Variants in SORCS1 observed in about 807,000 individuals in gnomAD.
SORCS1 encodes the protein sortilin related VPS10 domain containing receptor 1.
A neutral mutation model predicts 146.1 loss-of-function variants in SORCS1; 60 were observed. The observed-to-expected ratio is 0.41, with a 90% CI of 0.33 to 0.51. SORCS1 has a LOEUF of 0.51. Among genes scored for constraint, SORCS1 ranks in the 20% least tolerant of loss-of-function variants. The pLI is 0.21. For missense variants in SORCS1, 1,352 were observed against 1,487.6 expected (o/e 0.91, Z 1.50); for synonymous variants, 637 against 584.0 (o/e 1.09, Z -1.31).
At chr10:106,740,491 G>T (rs1471581616) in intron 5 of SORCS1, among the ~76,000 whole-genome samples, 2 of 152,118 alleles carry the variant, frequency 1.3e-5, no homozygotes, top group Non-Finnish European at 2.9e-5. Flanking sequence ...AAAAATCCCT[G>T]TACCTTGTGA....
At chr10:106,753,576 T>G (rs1489085596) in intron 5 of SORCS1, among the ~76,000 whole-genome samples, 3 of 151,992 alleles carry the variant, frequency 2.0e-5, no homozygotes, top group Admixed American at 6.6e-5. Context: ...TTTCTGATCA[T>G]GGACAGGTAT....
chr10:106,674,955 T>C (rs1212186245), intron 14 of SORCS1, 94 bp downstream of exon 14: 1 of 973,302 alleles, frequency 1.0e-6, no homozygotes, highest in Non-Finnish European at 1.6e-6. Flanking sequence ...ACCTTGAACC[T>C]AACAGCTGCA....
chr10:106,985,812 G>A (rs1956445127), intron 1 of SORCS1, among the ~76,000 whole-genome samples: 1 of 150,952 alleles, frequency 6.6e-6, no homozygotes, highest in South Asian at 2.1e-4. Context: ...TGGGATTACA[G>A]GTATCAGCCA....
chr10:107,111,449 C>T (rs1965694178), intron 1 of SORCS1, among the ~76,000 whole-genome samples: 1 of 152,124 alleles, frequency 6.6e-6, no homozygotes, highest in African/African-American at 2.4e-5. Flanking sequence ...ACAACTTTAA[C>T]AGCAGACTCC....
intron 3 of SORCS1, among the ~76,000 whole-genome samples, chr10:106,805,167 T>C (rs1454394911): frequency 6.6e-6 from 1 of 152,216 alleles, no homozygotes; most frequent in East Asian, 1.9e-4. Flanking sequence ...CACTTGCTAA[T>C]GGACATCATA....
At chr10:106,927,532 T>G (rs10884384) in intron 2 of SORCS1, among the ~76,000 whole-genome samples, 1 of 151,944 alleles carries the variant, frequency 6.6e-6, no homozygotes, top group Non-Finnish European at 1.5e-5. Flanking sequence ...GAAGGGGACA[T>G]GAGCGGGTTG....
At chr10:106,920,779 CT>C (rs1313559258) in intron 2 of SORCS1, among the ~76,000 whole-genome samples, 1 of 152,148 alleles carries the variant, frequency 6.6e-6, no homozygotes, top group Non-Finnish European at 1.5e-5. Flanking sequence ...TTTAGAATCT[CT>C]TGCTGGATCT....
intron 15 of SORCS1, 132 bp from the exon 16 acceptor site, chr10:106,671,499 C>A (rs1168173902): frequency 1.5e-6 from 2 of 1,298,834 alleles, no homozygotes; most frequent in Non-Finnish European, 2.1e-6. Context: ...TTTGTGCTAA[C>A]AACATTTTCC....
chr10:107,102,069 C>T (rs193060909), intron 1 of SORCS1, among the ~76,000 whole-genome samples: 250 of 152,176 alleles, frequency 1.6e-3, no homozygotes, highest in African/African-American at 5.5e-3. Context: ...CCTTATGAAA[C>T]GATTTCTATC....
At chr10:107,122,715 A>G (rs1238354788) in intron 1 of SORCS1, among the ~76,000 whole-genome samples, 1 of 152,214 alleles carries the variant, frequency 6.6e-6, no homozygotes, top group Non-Finnish European at 1.5e-5. Flanking sequence ...GAAAGAAAAA[A>G]AAAAGTAGTC....
At chr10:106,843,999 T>G (rs751998031) in intron 2 of SORCS1, among the ~76,000 whole-genome samples, 1 of 152,212 alleles carries the variant, frequency 6.6e-6, no homozygotes, top group Non-Finnish European at 1.5e-5. Context: ...GGCTGCATAT[T>G]TACACTCCCA....
At chr10:107,178,486 TTA>T in the SORCS1 span, among the ~76,000 whole-genome samples, 7 of 141,834 alleles carry the variant, frequency 4.9e-5, no homozygotes, top group South Asian at 2.2e-4. Context: ...TAAAATTATT[TTA>T]TATATATATA....
At chr10:106,600,083 C>G (rs1455623359) in intron 23 of SORCS1, among the ~76,000 whole-genome samples, 1 of 152,144 alleles carries the variant, frequency 6.6e-6, no homozygotes, top group African/African-American at 2.4e-5. Flanking sequence ...AGCCACTGTG[C>G]CTGGCCGCAA....
intron 5 of SORCS1, among the ~76,000 whole-genome samples, chr10:106,738,437 A>G (rs1335480035): frequency 6.6e-6 from 1 of 152,232 alleles, no homozygotes; most frequent in Admixed American, 6.5e-5. Context: ...TAAGTCAGAC[A>G]CCATCTTAGT....
chr10:107,054,800 C>G (rs1323844294), intron 1 of SORCS1, among the ~76,000 whole-genome samples: 1 of 152,150 alleles, frequency 6.6e-6, no homozygotes, highest in Non-Finnish European at 1.5e-5. Context: ...TTATTTTGAC[C>G]TGACGTGAAC....
chr10:106,998,674 T>C (rs932376300), intron 1 of SORCS1, among the ~76,000 whole-genome samples: 1 of 152,230 alleles, frequency 6.6e-6, no homozygotes, highest in African/African-American at 2.4e-5. Context: ...ATTTCTCCAG[T>C]AAATCAAACT....
chr10:106,675,057 G>A lies in SORCS1; in HGVS notation c.1932C>T (p.Leu644=). The A allele has an allele frequency of 6.2e-7, 1 of 1,612,256 alleles. No individual in the cohort carries two copies. Among genetic ancestry groups the A allele is most frequent in the East Asian group, 2.2e-5 (1 of 44,858 alleles). ...CATACTTTTCAACTTACGTCATGAT[G>A]AGAGTCTCTTCTCCAGGCTCACCCA... ...GVLGEPGEET[L]IMTVFGHFSH... is the part of the protein sequence containing the mutation. Residue 644 remains leucine (L), a synonymous_variant, in exon 14 of 26, where the codon CTC becomes CTT. Transcript: ENST00000263054.
chr10:107,172,209 A>G, the SORCS1 span, among the ~76,000 whole-genome samples: 1 of 152,188 alleles, frequency 6.6e-6, no homozygotes, highest in African/African-American at 2.4e-5. Context: ...TAGTAGCTTT[A>G]TCTTCTTAGA....
In SORCS1 at chr10:106,903,641, G is replaced by C. The variant is rs551909823; in HGVS notation, c.626+52872C>G. On this transcript the variant is annotated intron_variant, in intron 2 of 25. Coordinates refer to ENST00000263054, the MANE Select transcript of SORCS1 (RefSeq NM_052918.5). ...AAAAGAAAAGAGTGACGATTTTGAAGGGAAAGCAACAAGAAACCAAATGTA... is the reference window on the plus strand; with the variant it reads ...AAAAGAAAAGAGTGACGATTTTGAACGGAAAGCAACAAGAAACCAAATGTA... Among the ~76,000 whole-genome samples the C allele has an allele frequency of 9.9e-5, 15 of 152,248 alleles. No individual in the cohort carries two copies. In the South Asian group the frequency reaches 3.1e-3, roughly 32 times the overall value.
Sources: allele counts gnomAD v4.1 joint callset (sites outside exome capture counted in the v4.1 genomes callset), GRCh38; gene constraint gnomAD v4.1.1; transcripts MANE v1.5; gene names NCBI Gene and HGNC (gene_info 2026-07-23, HGNC 2026-07-21).